CDH23: variants seen among roughly 807,000 people sequenced by gnomAD.
CDH23 encodes the protein cadherin related 23.
A neutral mutation model predicts 317.1 loss-of-function variants in CDH23; 189 were observed. The ratio of observed to expected loss-of-function variants is 0.60; its 90% CI spans 0.53 to 0.67. The LOEUF is 0.67. Among genes scored for constraint, CDH23 ranks in the 30% least tolerant of loss-of-function variants. CDH23 has a pLI of 0.00. For synonymous variants in CDH23, 1,839 were observed against 1,876.8 expected, an observed-to-expected ratio of 0.98 and a Z score of 0.52; for missense variants, 4,401 against 4,592.4, an observed-to-expected ratio of 0.96 and a Z score of 1.20.
chr10:71,595,571 C>G (rs939075092), intron 9 of CDH23, among the ~76,000 whole-genome samples: 5 of 152,186 alleles, frequency 3.3e-5, no homozygotes, highest in African/African-American at 4.8e-5. Flanking sequence ...GACATTCTTT[C>G]CTTCCCCCCA....
chr10:71,454,345 C>G (rs1021609726), intron 3 of CDH23, among the ~76,000 whole-genome samples: 1 of 152,178 alleles, frequency 6.6e-6, no homozygotes, highest in Non-Finnish European at 1.5e-5. Flanking sequence ...AATTTAAACT[C>G]GCTCGCTTGC....
In CDH23 at chr10:71,784,181, C is replaced by T. The variant is rs988557546; in HGVS notation, c.5369-106C>T. ...GGAGGACCCGGGCCCCAGCTGTCCC[C>T]CACCTGTGACGAGTGAGGCTTGCTA... On this transcript the variant is annotated intron_variant, in intron 41 of 69. Transcript: ENST00000224721. 5.4e-6 allele frequency: 7 copies of T among 1,293,152 alleles called. No individual in the cohort carries two copies. The African/African-American group carries it at 1.0e-4, about 19-fold the overall frequency. 80.1% of individuals were successfully genotyped at this position (1,293,152 alleles called of 1,614,324 possible).
Position 71,803,436 on chromosome 10 carries a change from G to A in CDH23, c.7872+16G>A. ...CATCAGAGAGGTACTCCTGCCCCGA[G>A]GGCCTCCTGCCCACCAGTATTTCCT... On this transcript the variant is annotated intron_variant, in intron 55 of 69. Coordinates refer to ENST00000224721, the MANE Select transcript of CDH23 (RefSeq NM_022124.6). 1 of 1,565,346 alleles carries A rather than the reference G, an allele frequency of 6.4e-7. No homozygotes were observed. The highest frequency in any genetic ancestry group is 1.8e-4 in the Middle Eastern group (1 of 5,616).
At chr10:71,450,761 C>T (rs1209172647) in intron 3 of CDH23, among the ~76,000 whole-genome samples, 1 of 152,094 alleles carries the variant, frequency 6.6e-6, no homozygotes, top group Non-Finnish European at 1.5e-5. Flanking sequence ...ATCAGAGGGC[C>T]CCAGGGCTCA....
At chr10:71,477,891 C>G (rs1040877341) in intron 3 of CDH23, among the ~76,000 whole-genome samples, 2 of 152,190 alleles carry the variant, frequency 1.3e-5, no homozygotes, top group Non-Finnish European at 2.9e-5. Flanking sequence ...AAATCCCCAG[C>G]ACTGATGCCA....
chr10:71,579,602 T>A (rs560896973), intron 9 of CDH23, among the ~76,000 whole-genome samples: 1 of 152,176 alleles, frequency 6.6e-6, no homozygotes, highest in East Asian at 1.9e-4. Context: ...CCAAGAATGG[T>A]CCTTTCTCAC....
rs562615110 is a variant in CDH23, at chr10:71,790,518, C to T, written c.6049+105C>T. On this transcript the variant is annotated intron_variant, in intron 46 of 69. Transcript: ENST00000224721. ...TTCTCAGTGCTGGACCCAGGCTGTC[C>T]GTGGAGACCCCATTTTTCACAGCCC... 4.0e-4 allele frequency: 562 copies of T among 1,411,608 alleles called. 6 individuals are homozygous for T. In the South Asian group the frequency reaches 6.1e-3, roughly 15 times the overall value. 87.4% of individuals were successfully genotyped at this position (1,411,608 alleles called of 1,614,324 possible). A position where few individuals can be genotyped will look rare whatever the true frequency, so the allele number is the denominator to read the frequency against.
intron 31 of CDH23, among the ~76,000 whole-genome samples, chr10:71,731,658 T>TC (rs1353858512): frequency 2.0e-5 from 3 of 152,036 alleles, no homozygotes; most frequent in Non-Finnish European, 4.4e-5. Context: ...ATCCTTCATT[T>TC]CCCCCAATGC....
chr10:71,660,558 A>G lies in CDH23; in HGVS notation c.1449+13941A>G, dbSNP rs913157818. ...AGGGAACCTCCCCTCCCTTTTAAGGATACCTCCTGGAAGTGCTTTGCAAAC... is the reference window on the plus strand; with the variant it reads ...AGGGAACCTCCCCTCCCTTTTAAGGGTACCTCCTGGAAGTGCTTTGCAAAC... On this transcript the variant is annotated intron_variant, in intron 14 of 69. Coordinates refer to ENST00000224721, the MANE Select transcript of CDH23 (RefSeq NM_022124.6). Among the ~76,000 whole-genome samples, 7 of 152,124 alleles carry G rather than the reference A, an allele frequency of 4.6e-5. No homozygotes were observed. In the East Asian group the frequency reaches 1.3e-3, roughly 29 times the overall value.
chr10:71,777,890 G>A lies in CDH23; in HGVS notation c.5056G>A (p.Asp1686Asn), dbSNP rs373836924. 8.8e-5 allele frequency: 142 copies of A among 1,613,800 alleles called. 1 individual carries two copies. The highest frequency in any genetic ancestry group is 8.2e-4 in the Middle Eastern group (5 of 6,062). ...CAACATCGTCAACACCTTCCGCATC[G>A]ACAGACACATGGTCAGCAGCTGATG... ...AGNIVNTFRI[D>N]RHMGVITAAK... Residue 1686 changes from aspartate to asparagine, a missense_variant, in exon 39 of 70, where the codon GAC becomes AAC. Transcript: ENST00000224721.
chr10:71,762,329 A>G (rs1390858810), intron 38 of CDH23, among the ~76,000 whole-genome samples: 2 of 152,234 alleles, frequency 1.3e-5, no homozygotes, highest in Non-Finnish European at 2.9e-5. Context: ...AGTATATGCA[A>G]AACCTGTTGG....
At chr10:71,800,099 A>G (rs1342305937) in intron 52 of CDH23, among the ~76,000 whole-genome samples, 1 of 152,250 alleles carries the variant, frequency 6.6e-6, no homozygotes, top group African/African-American at 2.4e-5. Context: ...GACTTGTGGA[A>G]GACCAGAAAT....
At chr10:71,624,149 C>T (rs1861599358) in intron 11 of CDH23, among the ~76,000 whole-genome samples, 1 of 152,210 alleles carries the variant, frequency 6.6e-6, no homozygotes, top group African/African-American at 2.4e-5. Flanking sequence ...GCCAGCTCAT[C>T]CTCCTTTCCC....
chr10:71,757,077 C>G lies in CDH23; in HGVS notation c.4845+15156C>G, dbSNP rs184243801. On this transcript the variant is annotated intron_variant, in intron 38 of 69. Coordinates refer to ENST00000224721, the MANE Select transcript of CDH23 (RefSeq NM_022124.6). The stretch of plus-strand genomic sequence containing the variant: ...TGACGTGGAATATTGAAAGTAAAGA[C>G]ATTCTATAACCCAGACACCTCAGTA... 6.0e-4 allele frequency among the ~76,000 whole-genome samples: 91 copies of G among 152,366 alleles called. No homozygotes were observed. The Middle Eastern group carries it at 0.031, about 51-fold the overall frequency.
At chr10:71,663,898 G>A (rs997236258) in intron 14 of CDH23, among the ~76,000 whole-genome samples, 3 of 152,152 alleles carry the variant, frequency 2.0e-5, no homozygotes, top group Non-Finnish European at 4.4e-5. Flanking sequence ...CTACTCTGGA[G>A]GCTAAGGCAT....
At chr10:71,735,181 C>A (rs1314307255) in intron 34 of CDH23, among the ~76,000 whole-genome samples, 1 of 152,186 alleles carries the variant, frequency 6.6e-6, no homozygotes, top group African/African-American at 2.4e-5. Context: ...AAAGGGGACC[C>A]CCTCCCTCTC....
At chr10:71,550,576 A>AG (rs1564647377) in intron 6 of CDH23, among the ~76,000 whole-genome samples, 3 of 112,818 alleles carry the variant, frequency 2.7e-5, no homozygotes, top group African/African-American at 6.6e-5. Flanking sequence ...AAAAAAAAAA[A>AG]AGAAAAAAGA....
At chr10:71,449,291 T>C (rs1850319324) in intron 3 of CDH23, among the ~76,000 whole-genome samples, 6 of 152,038 alleles carry the variant, frequency 3.9e-5, no homozygotes, top group Admixed American at 3.9e-4. Flanking sequence ...TCACCAGAGG[T>C]TGGAGTTGTA....
intron 3 of CDH23, among the ~76,000 whole-genome samples, chr10:71,460,147 G>A (rs1289922083): frequency 1.3e-5 from 2 of 152,058 alleles, no homozygotes; most frequent in Non-Finnish European, 2.9e-5. Context: ...AAGCCCACAT[G>A]TCTCTCTCTC....
Sources: gnomAD v4.1 joint callset for allele counts (sites outside exome capture counted in the v4.1 genomes callset) on GRCh38, gnomAD v4.1.1 for gene constraint, MANE v1.5 for transcripts, NCBI Gene and HGNC (gene_info 2026-07-23, HGNC 2026-07-21) for gene names.